The following GCLC variants were observed in gnomAD, a reference collection of about 807,000 sequenced individuals.
GCLC encodes glutamate-cysteine ligase catalytic subunit.
Under a neutral mutation model 81.5 loss-of-function variants are expected in GCLC, and 30 were observed. That is an observed-to-expected ratio of 0.37 (90% CI 0.28 to 0.50). GCLC has a LOEUF of 0.50. Ranked by LOEUF, GCLC falls within the 20% of genes least tolerant of loss-of-function variation. The probability of loss-of-function intolerance (pLI) is 0.96; values close to 1 mark genes in which losing one functional copy is unlikely to be tolerated. For synonymous variants in GCLC, 262 were observed against 273.3 expected, an observed-to-expected ratio of 0.96 and a Z score of 0.41; for missense variants, 556 against 777.4, an observed-to-expected ratio of 0.72 and a Z score of 3.39.
In GCLC at chr6:53,517,328, C is replaced by A. The variant is rs181983324; in HGVS notation, c.447-1106G>T. On this transcript the variant is annotated intron_variant, in intron 3 of 15. Coordinates refer to ENST00000650454, the MANE Select transcript of GCLC (RefSeq NM_001498.4). Reference sequence around the variant, plus strand: ...CCCAGAATGGTCTTTAACTCCTAGGCTCCAGTAATCCTTCTGCCTCAGCCT... The same window carrying A: ...CCCAGAATGGTCTTTAACTCCTAGGATCCAGTAATCCTTCTGCCTCAGCCT... Among the ~76,000 whole-genome samples, 190 of 143,974 alleles carry A rather than the reference C, an allele frequency of 1.3e-3. 1 individual carries two copies. Among genetic ancestry groups the A allele is most frequent in the African/African-American group, 4.3e-3 (170 of 39,242 alleles). The allele number at this position is 143,974 out of a possible 152,430, so 94.5% of individuals were successfully genotyped here.
At chr6:53,536,551 T>C (rs896323321) in intron 1 of GCLC, among the ~76,000 whole-genome samples, 5 of 152,236 alleles carry the variant, frequency 3.3e-5, no homozygotes, top group Non-Finnish European at 7.3e-5. Flanking sequence ...TAGGATATGG[T>C]CTTTCCAGTA....
chr6:53,505,654 C>A, intron 11 of GCLC, 149 bp downstream of exon 11: 1 of 744,522 alleles, frequency 1.3e-6, no homozygotes, highest in Non-Finnish European at 2.4e-6. Flanking sequence ...CAGAAATCAA[C>A]CCTCCTTAAC....
Position 53,507,044 on chromosome 6 carries a change from T to C in GCLC, c.1085-19A>G, listed in dbSNP as rs1193796229. 1 of 1,346,364 alleles carries C rather than the reference T, an allele frequency of 7.4e-7. No individual in the cohort carries two copies. The highest frequency in any genetic ancestry group is 1.2e-5 in the South Asian group (1 of 85,504). The allele number at this position is 1,346,364 out of a possible 1,614,324, so 83.4% of individuals were successfully genotyped here. A position where few individuals can be genotyped will look rare whatever the true frequency, so the allele number is the denominator to read the frequency against. ...TCAATGCCTGCAAAAAGAGATCACA[T>C]GGGAACTCACTGCAAAGCGAGAGAT... On this transcript the variant is annotated intron_variant, in intron 9 of 15. Coordinates refer to ENST00000650454, the MANE Select transcript of GCLC (RefSeq NM_001498.4).
In GCLC at chr6:53,498,431, T is replaced by C. The variant is rs1393661342; in HGVS notation, c.*325A>G. 2 of 271,690 alleles carry C rather than the reference T, an allele frequency of 7.4e-6. No individual in the cohort carries two copies. Among genetic ancestry groups the C allele is most frequent in the Middle Eastern group, 1.2e-3 (1 of 824 alleles). 16.8% of individuals were successfully genotyped at this position (271,690 alleles called of 1,614,324 possible). ...ACATTTTAACTCTGGAATGCAAGTA[T>C]TGTACAATTACCAGTACATTTACAA... On this transcript the variant is annotated 3_prime_UTR_variant, in exon 16 of 16. Transcript: ENST00000650454.
chr6:53,505,373 T>C lies in GCLC; in HGVS notation c.1395+19A>G, dbSNP rs369288794. ...ACAGATAGATCTATACCCATCACCA[T>C]AAAGAAACATATCCTTACCTTTGAC... is the stretch of plus-strand genomic sequence containing the variant. On this transcript the variant is annotated intron_variant, in intron 12 of 15. Transcript: ENST00000650454. The C allele has an allele frequency of 1.8e-5, 19 of 1,077,996 alleles. No homozygotes were observed. Among genetic ancestry groups the C allele is most frequent in the Non-Finnish European group, 2.6e-5 (18 of 692,606 alleles). The allele number at this position is 1,077,996 out of a possible 1,614,324, so 66.8% of individuals were successfully genotyped here. A position where few individuals can be genotyped will look rare whatever the true frequency, so the allele number is the denominator to read the frequency against.
At chr6:53,524,297 A>G (rs762072734) in intron 1 of GCLC, among the ~76,000 whole-genome samples, 2 of 152,210 alleles carry the variant, frequency 1.3e-5, no homozygotes, top group Non-Finnish European at 2.9e-5. Context: ...GTCTGGCCTC[A>G]AGGCCCAGCA....
intron 3 of GCLC, among the ~76,000 whole-genome samples, chr6:53,520,257 C>T (rs936825049): frequency 3.3e-5 from 5 of 152,170 alleles, no homozygotes; most frequent in African/African-American, 1.2e-4. Context: ...TATGCAAGGA[C>T]CTAATGACTC....
intron 4 of GCLC, among the ~76,000 whole-genome samples, chr6:53,514,720 G>A (rs568589664): frequency 1.8e-4 from 28 of 152,280 alleles, no homozygotes; most frequent in Admixed American, 9.8e-4. Flanking sequence ...CGAGAATGCC[G>A]TTCTGTCTCC....
At chr6:53,516,619 A>T (rs1462507294) in intron 3 of GCLC, among the ~76,000 whole-genome samples, 4 of 151,908 alleles carry the variant, frequency 2.6e-5, no homozygotes, top group African/African-American at 9.7e-5. Context: ...TTCCTTTTCC[A>T]TCTCTAAACT....
intron 1 of GCLC, among the ~76,000 whole-genome samples, chr6:53,542,119 A>G (rs925277780): frequency 2.0e-5 from 3 of 152,094 alleles, no homozygotes; most frequent in Admixed American, 2.0e-4. Flanking sequence ...GGCCTTCCAA[A>G]GTGTTGGGAT....
chr6:53,512,617 A>G (rs938049364), intron 6 of GCLC, among the ~76,000 whole-genome samples: 1 of 152,014 alleles, frequency 6.6e-6, no homozygotes, highest in Non-Finnish European at 1.5e-5. Context: ...TGAGCTAACG[A>G]TTTTTTTTAA....
rs866678492 is a variant in GCLC at position 53,519,573 on chromosome 6, C to T, written c.446+1205G>A. Reference sequence around the variant, plus strand: ...CCAGCTCCACAGAGACAGAGCTGTCCGTCTTCACTCATGAGAGCATGCCCA... The same window carrying T: ...CCAGCTCCACAGAGACAGAGCTGTCTGTCTTCACTCATGAGAGCATGCCCA... On this transcript the variant is annotated intron_variant, in intron 3 of 15. Coordinates refer to ENST00000650454, the MANE Select transcript of GCLC (RefSeq NM_001498.4). 4.6e-5 allele frequency among the ~76,000 whole-genome samples: 7 copies of T among 152,256 alleles called. 1 individual carries two copies. The South Asian group carries it at 1.2e-3, about 27-fold the overall frequency.
rs984200479 is a variant in GCLC, at chr6:53,544,903, TCTCGGCCCGG to T, written c.-268_-259del. The T allele has an allele frequency of 6.7e-6, 2 of 300,726 alleles. No homozygotes were observed. Among genetic ancestry groups the T allele is most frequent in the African/African-American group, 4.4e-5 (2 of 45,218 alleles). 18.6% of individuals were successfully genotyped at this position (300,726 alleles called of 1,614,324 possible). A position where few individuals can be genotyped will look rare whatever the true frequency, so the allele number is the denominator to read the frequency against. On this transcript the variant is annotated 5_prime_UTR_variant, in exon 1 of 16. Coordinates refer to ENST00000650454, the MANE Select transcript of GCLC (RefSeq NM_001498.4). The stretch of plus-strand genomic sequence containing the variant: ...GAAGACCGAGAGCAGGCGGGACGGC[TCTCGGCCCGG>T]CGGCCTCGCCCTCCCCGCTGCTCCT...
chr6:53,500,006 C>A (rs747918799), intron 15 of GCLC, 39 bp downstream of exon 15: 6 of 1,400,036 alleles, frequency 4.3e-6, no homozygotes, highest in Non-Finnish European at 6.1e-6. Flanking sequence ...TTATACCATG[C>A]TGTCTATATT....
At chr6:53,505,364 C>T (rs1165383669) in intron 12 of GCLC, 28 bp downstream of exon 12, 2 of 893,618 alleles carry the variant, frequency 2.2e-6, no homozygotes, top group African/African-American at 1.7e-5. Flanking sequence ...AGATCTATAC[C>T]CATCACCATA....
intron 3 of GCLC, among the ~76,000 whole-genome samples, chr6:53,519,695 C>T (rs909299547): frequency 3.3e-5 from 5 of 152,158 alleles, no homozygotes; most frequent in African/African-American, 1.2e-4. Context: ...AATGTGCCCA[C>T]TCTAATCAAA....
chr6:53,505,089 C>A (rs567129272), intron 12 of GCLC, among the ~76,000 whole-genome samples: 1 of 152,124 alleles, frequency 6.6e-6, no homozygotes, highest in Non-Finnish European at 1.5e-5. Flanking sequence ...AGACTTTTAC[C>A]GGCATTCCAG....
intron 1 of GCLC, among the ~76,000 whole-genome samples, chr6:53,523,477 A>T (rs1477418008): frequency 6.6e-6 from 1 of 152,242 alleles, no homozygotes; most frequent in African/African-American, 2.4e-5. Flanking sequence ...AAACCAGGCT[A>T]CAGTGTATTT....
chr6:53,538,142 T>C (rs1402766059), intron 1 of GCLC, among the ~76,000 whole-genome samples: 4 of 125,158 alleles, frequency 3.2e-5, no homozygotes, highest in African/African-American at 1.3e-4. Flanking sequence ...TTTCCTTTTT[T>C]TTTTTTTTTT....
Sources: gnomAD v4.1 joint callset for allele counts (sites outside exome capture counted in the v4.1 genomes callset) on GRCh38, gnomAD v4.1.1 for gene constraint, MANE v1.5 for transcripts, NCBI Gene and HGNC (gene_info 2026-07-23, HGNC 2026-07-21) for gene names.